Variants in PCDH19 observed in about 807,000 individuals in gnomAD.
PCDH19 encodes protocadherin-19.
Under a neutral mutation model 46.2 loss-of-function variants are expected in PCDH19, and 6 were observed. The ratio of observed to expected loss-of-function variants is 0.13; its 90% CI spans 0.07 to 0.26. The LOEUF is 0.26. Ranked by LOEUF, PCDH19 falls within the 10% of genes least tolerant of loss-of-function variation. The probability of loss-of-function intolerance (pLI) is 1.00; values close to 1 mark genes in which losing one functional copy is unlikely to be tolerated. For missense variants in PCDH19, 740 were observed against 972.3 expected, an observed-to-expected ratio of 0.76 and a Z score of 3.18; for synonymous variants, 481 against 415.7, an observed-to-expected ratio of 1.16 and a Z score of -1.91.
chrX:100,383,930 C>T (rs1474163053), intron 3 of PCDH19, among the ~76,000 whole-genome samples: 3 of 111,642 alleles, frequency 2.7e-5, no homozygotes, highest in African/African-American at 6.5e-5. Context: ...TCTATAAAAA[C>T]TCAACATGTT....
chrX:100,393,618 G>A (rs1053267019), intron 3 of PCDH19, among the ~76,000 whole-genome samples: 1 of 110,758 alleles, frequency 9.0e-6, no homozygotes, highest in African/African-American at 3.3e-5. Context: ...TTGCTCAGAA[G>A]AGCAAACTAC....
At chrX:100,359,500 G>A (rs772221284) in intron 3 of PCDH19, among the ~76,000 whole-genome samples, 1 of 111,759 alleles carries the variant, frequency 8.9e-6, no homozygotes, top group Non-Finnish European at 1.9e-5. Flanking sequence ...GGTGACCTAA[G>A]ATGTAAGATT....
intron 5 of PCDH19, among the ~76,000 whole-genome samples, chrX:100,301,559 G>A (rs1924782621): frequency 8.9e-6 from 1 of 112,191 alleles, no homozygotes; most frequent in East Asian, 2.8e-4. Context: ...CAAGTGATGT[G>A]TATATCAGAC....
chrX:100,402,689 G>C lies in PCDH19; in HGVS notation c.2451C>G (p.His817Gln), dbSNP rs759932441. The C allele has an allele frequency of 1.1e-5, 13 of 1,211,886 alleles. No individual in the cohort carries two copies. The highest frequency in any genetic ancestry group is 1.1e-5 in the Non-Finnish European group (10 of 895,478). ...LTSSLNYFDYHQQTLPLGCRR... is the reference protein window; with the variant it reads ...LTSSLNYFDYQQQTLPLGCRR... ...GGCAGCCCAGGGGCAGCGTCTGCTG[G>C]TGGTAGTCAAAATAGTTGAGGGAGG... Residue 817 changes from histidine to glutamine, a missense_variant, in exon 3 of 6, where the codon CAC (histidine) becomes CAG (glutamine). By Grantham distance (24) the His-to-Gln change is conservative. This residue lies in a region of PCDH19 where 416 missense variants were observed against 476.8 expected (regional missense o/e 0.87). Coordinates refer to ENST00000373034, the MANE Select transcript of PCDH19 (RefSeq NM_001184880.2).
intron 3 of PCDH19, among the ~76,000 whole-genome samples, chrX:100,389,395 G>GT (rs1474201669): frequency 9.3e-6 from 1 of 107,479 alleles, no homozygotes; most frequent in Non-Finnish European, 1.9e-5. Flanking sequence ...TTGTGGGTGG[G>GT]GGAAATAGGA....
rs761980890 is a variant in PCDH19, at chrX:100,377,153, A to AAAG, written c.2616+25370_2616+25371insCTT. Reference sequence around the variant, plus strand: ...ATTATATGATTTCTAATACTGTCTTAAGTCTGTATGAAGGCAGGGCTGTTA... The same window carrying AAAG: ...ATTATATGATTTCTAATACTGTCTTAAAGAGTCTGTATGAAGGCAGGGCTGTTA... On this transcript the variant is annotated intron_variant, in intron 3 of 5. Coordinates refer to ENST00000373034, the MANE Select transcript of PCDH19 (RefSeq NM_001184880.2). Among the ~76,000 whole-genome samples, 15 of 112,301 alleles carry AAAG rather than the reference A, an allele frequency of 1.3e-4. No homozygotes were observed. The East Asian group carries it at 3.9e-3, about 29-fold the overall frequency.
At chrX:100,358,618 G>A (rs1926788683) in intron 3 of PCDH19, among the ~76,000 whole-genome samples, 1 of 112,064 alleles carries the variant, frequency 8.9e-6, no homozygotes, top group Non-Finnish European at 1.9e-5. Flanking sequence ...ACAATTCAAA[G>A]CCTGCTGAAA....
chrX:100,360,353 A>G (rs1926845144), intron 3 of PCDH19, among the ~76,000 whole-genome samples: 1 of 112,463 alleles, frequency 8.9e-6, no homozygotes, highest in African/African-American at 3.2e-5. Flanking sequence ...TCTTGGAAAC[A>G]GTGAATGCAT....
At chrX:100,402,456 T>C (rs1928210922) in intron 3 of PCDH19, 68 bp downstream of exon 3, 7 of 928,035 alleles carry the variant, frequency 7.5e-6, no homozygotes, top group Non-Finnish European at 9.3e-6. Flanking sequence ...CAGCAGCTTA[T>C]GGTATCCAGC....
chrX:100,364,308 G>C (rs902161392), intron 3 of PCDH19, among the ~76,000 whole-genome samples: 4 of 111,566 alleles, frequency 3.6e-5, no homozygotes, highest in Non-Finnish European at 7.5e-5. Context: ...TTCCTCAGGG[G>C]GGTGCTGTCC....
intron 3 of PCDH19, among the ~76,000 whole-genome samples, chrX:100,389,807 A>AT (rs2147522920): frequency 8.9e-6 from 1 of 111,793 alleles, no homozygotes; most frequent in Non-Finnish European, 1.9e-5. Flanking sequence ...ATATATAGAC[A>AT]TTCCTAAATT....
chrX:100,303,811 G>A (rs1322239681), intron 5 of PCDH19, among the ~76,000 whole-genome samples: 2 of 110,486 alleles, frequency 1.8e-5, no homozygotes, highest in Non-Finnish European at 3.8e-5. Flanking sequence ...CCCTAGCCTC[G>A]TCCTTGTTAG....
intron 3 of PCDH19, among the ~76,000 whole-genome samples, chrX:100,369,508 G>C (rs759812745): frequency 8.9e-6 from 1 of 112,197 alleles, no homozygotes; most frequent in Non-Finnish European, 1.9e-5. Flanking sequence ...TCAGTTAGCT[G>C]GTCCTAGACT....
intron 3 of PCDH19, among the ~76,000 whole-genome samples, chrX:100,384,759 A>G (rs1927660558): frequency 8.9e-6 from 1 of 111,840 alleles, no homozygotes; most frequent in Non-Finnish European, 1.9e-5. Flanking sequence ...GGTCAAGCAT[A>G]TCTATAAGAT....
In PCDH19 at chrX:100,359,366, T is replaced by C. The variant is rs148909897; in HGVS notation, c.2617-8662A>G. Among the ~76,000 whole-genome samples the C allele has an allele frequency of 3.8e-3, 425 of 111,955 alleles. 1 individual carries two copies. The highest frequency in any genetic ancestry group is 0.013 in the African/African-American group (394 of 30,828). On this transcript the variant is annotated intron_variant, in intron 3 of 5. Transcript: ENST00000373034. ...GGCACACACTAACTGGAAATCATTC[T>C]CCAGACCTAGCTGGAGGGCCTACTC... is the stretch of plus-strand genomic sequence containing the variant.
chrX:100,350,292 AAT>A (rs2147492351), intron 4 of PCDH19, among the ~76,000 whole-genome samples: 1 of 111,977 alleles, frequency 8.9e-6, no homozygotes, highest in South Asian at 3.7e-4. Flanking sequence ...TATTAGAAAT[AAT>A]ATTAGAAATT....
intron 3 of PCDH19, among the ~76,000 whole-genome samples, chrX:100,388,087 A>G (rs1159839888): frequency 9.0e-6 from 1 of 111,233 alleles, no homozygotes; most frequent in East Asian, 2.8e-4. Flanking sequence ...AAAAAAGTAT[A>G]CCATTTAAAA....
intron 5 of PCDH19, among the ~76,000 whole-genome samples, chrX:100,330,576 G>A (rs191581831): frequency 5.3e-5 from 6 of 112,300 alleles, no homozygotes; most frequent in African/African-American, 1.9e-4. Flanking sequence ...AACATTATAA[G>A]TTGTATTTTT....
rs566948466 is a variant in PCDH19 at position 100,384,916 on chromosome X, C to T, written c.2616+17608G>A. ...GCTCACGCCTGTAATCCCAGCTCTTCGGAAGGTGGAGATAGGCAGGTTACC... is the reference window on the plus strand; with the variant it reads ...GCTCACGCCTGTAATCCCAGCTCTTTGGAAGGTGGAGATAGGCAGGTTACC... On this transcript the variant is annotated intron_variant, in intron 3 of 5. Transcript: ENST00000373034. Among the ~76,000 whole-genome samples the T allele has an allele frequency of 4.1e-4, 46 of 111,014 alleles. 1 individual carries two copies. The South Asian group carries it at 0.015, about 37-fold the overall frequency.
Sources: allele counts gnomAD v4.1 joint callset (sites outside exome capture counted in the v4.1 genomes callset), GRCh38; gene constraint gnomAD v4.1.1; regional missense constraint gnomAD v4.1.1; transcripts MANE v1.5; gene names NCBI Gene and HGNC (gene_info 2026-07-23, HGNC 2026-07-21).